Variants in TSPAN14 observed in about 807,000 individuals in gnomAD.
TSPAN14 encodes the protein tetraspanin 14, also known as tetraspanin-14.
TSPAN14 carries 16 observed loss-of-function variants against 36.6 expected under a neutral mutation model. That is an observed-to-expected ratio of 0.44 (90% CI 0.30 to 0.66). TSPAN14 has a LOEUF of 0.66. Among genes scored for constraint, TSPAN14 ranks in the 30% least tolerant of loss-of-function variants. The pLI is 0.12. For synonymous variants in TSPAN14, 139 were observed against 143.8 expected (o/e 0.97, Z 0.24); for missense variants, 231 against 355.1 (o/e 0.65, Z 2.81).
exon 8 of TSPAN14, chr10:80,516,320 G>A: frequency 6.2e-7 from 1 of 1,614,248 alleles, no homozygotes; most frequent in South Asian, 1.1e-5. Context: ...TCTCGCTGTT[G>A]CAGGTGTGTC....
intron 2 of TSPAN14, among the ~76,000 whole-genome samples, chr10:80,493,884 G>A (rs1848052660): frequency 6.6e-6 from 1 of 152,196 alleles, no homozygotes. Context: ...CCCCCCACTG[G>A]TTCCACAAAG....
chr10:80,507,855 A>G (rs56871714), intron 4 of TSPAN14, among the ~76,000 whole-genome samples: 12,205 of 152,204 alleles, frequency 0.08, 1,192 homozygotes, highest in African/African-American at 0.23. Flanking sequence ...ATACAAATTC[A>G]TGTTTAGATT....
intron 3 of TSPAN14, 107 bp downstream of exon 3, chr10:80,504,885 T>C: frequency 8.1e-7 from 1 of 1,229,792 alleles, no homozygotes; most frequent in South Asian, 1.2e-5. Flanking sequence ...GCATTTCTTG[T>C]GCAGTGTCAA....
At chr10:80,504,286 G>T (rs1313374811) in intron 2 of TSPAN14, among the ~76,000 whole-genome samples, 1 of 152,174 alleles carries the variant, frequency 6.6e-6, no homozygotes, top group Non-Finnish European at 1.5e-5. Context: ...GTTTCCCCCT[G>T]TCCTCACCCT....
At position 80,469,832 on chromosome 10, in the gene TSPAN14, A is replaced by G. The variant is rs1846444697; in HGVS notation, c.-18+15461A>G. On this transcript the variant is annotated intron_variant, in intron 1 of 8. Coordinates refer to ENST00000429989, the Ensembl canonical transcript of TSPAN14. ...GGAGCCAGGCCCTGGGGTGGGCTGG[A>G]AAGTGTCCCACCCTAGACTCAGAAG... Among the ~76,000 whole-genome samples the G allele has an allele frequency of 2.0e-5, 3 of 151,812 alleles. No homozygotes were observed. The South Asian group carries it at 6.2e-4, about 32-fold the overall frequency.
Position 80,509,499 on chromosome 10 carries a change from T to TA in TSPAN14, c.450+29dup. The TA allele has an allele frequency of 1.2e-6, 2 of 1,607,476 alleles. No individual in the cohort carries two copies. The highest frequency in any genetic ancestry group is 1.7e-6 in the Non-Finnish European group (2 of 1,176,760). On this transcript the variant is annotated intron_variant, in intron 5 of 8. Transcript: ENST00000429989. The surrounding 1 kb of genome is among the most constrained non-coding windows in gnomAD (Gnocchi z 4.7). ...AAGCACCTCCCCAGCGGGCCCCCGA[T>TA]AGAGCATGCACCTCCCTGTGCTGCC... is the stretch of plus-strand genomic sequence containing the variant.
In TSPAN14 at chr10:80,509,684, T is replaced by G; in HGVS notation, c.450+213T>G. 1.7e-6 allele frequency: 1 copy of G among 575,972 alleles called. No homozygotes were observed. 35.7% of individuals were successfully genotyped at this position (575,972 alleles called of 1,614,324 possible). ...GTGGGCCAGCCCTTTCCCATTGGGA[T>G]TGGGCAGGCAAGTCCAGCTGTACCC... On this transcript the variant is annotated intron_variant, in intron 5 of 8. Coordinates refer to ENST00000429989, the Ensembl canonical transcript of TSPAN14. This position sits in a 1 kb window ranked among gnomAD's most constrained non-coding sequence, Gnocchi z 4.7.
intron 1 of TSPAN14, among the ~76,000 whole-genome samples, chr10:80,455,133 G>A (rs1458875023): frequency 6.6e-6 from 1 of 152,216 alleles, no homozygotes; most frequent in East Asian, 1.9e-4. Context: ...CAGGGGTGGG[G>A]TGCGGGTGGG....
At chr10:80,457,696 G>A (rs1845794304) in intron 1 of TSPAN14, among the ~76,000 whole-genome samples, 1 of 152,206 alleles carries the variant, frequency 6.6e-6, no homozygotes, top group Non-Finnish European at 1.5e-5. Flanking sequence ...ATTGGTGATG[G>A]AGCTTCTGTC....
intron 1 of TSPAN14, among the ~76,000 whole-genome samples, chr10:80,456,476 G>A (rs1055962511): frequency 6.6e-6 from 1 of 152,216 alleles, no homozygotes; most frequent in African/African-American, 2.4e-5. Context: ...TGTGGCGGCA[G>A]TGAAGTGAAG....
chr10:80,501,787 C>T (rs1053638921), intron 2 of TSPAN14, among the ~76,000 whole-genome samples: 2 of 152,192 alleles, frequency 1.3e-5, no homozygotes, highest in African/African-American at 4.8e-5. Context: ...TTGAATCACA[C>T]CCAGAAGTGT....
intron 2 of TSPAN14, among the ~76,000 whole-genome samples, chr10:80,503,762 G>T (rs1486877427): frequency 6.6e-6 from 1 of 152,064 alleles, no homozygotes; most frequent in Non-Finnish European, 1.5e-5. Context: ...AGTAAAATAG[G>T]TAGAAGTGGC....
intron 2 of TSPAN14, among the ~76,000 whole-genome samples, chr10:80,493,297 A>G (rs1255919727): frequency 6.6e-6 from 1 of 152,220 alleles, no homozygotes; most frequent in African/African-American, 2.4e-5. Context: ...ACCTTTGTGC[A>G]CTGTTAGTGA....
chr10:80,455,478 C>T (rs1016604699), intron 1 of TSPAN14, among the ~76,000 whole-genome samples: 13 of 152,130 alleles, frequency 8.5e-5, no homozygotes, highest in Non-Finnish European at 1.8e-4. Flanking sequence ...GAGGGAGTTG[C>T]TCTTGGGCTA....
At chr10:80,522,277 AAGAC>A (rs1197991278) in exon 9 of TSPAN14, 1 of 152,192 alleles carries the variant, frequency 6.6e-6, no homozygotes, top group Non-Finnish European at 1.5e-5. Flanking sequence ...TTGGGAGGCT[AAGAC>A]AGGCAGATCA....
chr10:80,511,015 C>A (rs1840591592), intron 5 of TSPAN14, among the ~76,000 whole-genome samples: 1 of 152,098 alleles, frequency 6.6e-6, no homozygotes, highest in Admixed American at 6.5e-5. Context: ...GTGGGGGAGA[C>A]AATTTTACCT....
intron 1 of TSPAN14, among the ~76,000 whole-genome samples, chr10:80,461,465 G>A (rs776613429): frequency 2.0e-5 from 3 of 152,194 alleles, no homozygotes; most frequent in Non-Finnish European, 4.4e-5. Context: ...ACAAGTGATG[G>A]TATAAACGTG....
At chr10:80,455,040 G>C (rs1338508410) in intron 1 of TSPAN14, among the ~76,000 whole-genome samples, 20 of 152,150 alleles carry the variant, frequency 1.3e-4, no homozygotes, top group Admixed American at 1.3e-3. Context: ...CCTGACCCCT[G>C]ACCTAGCCGG....
At chr10:80,471,665 C>T (rs1846558915) in intron 1 of TSPAN14, among the ~76,000 whole-genome samples, 1 of 152,206 alleles carries the variant, frequency 6.6e-6, no homozygotes, top group Non-Finnish European at 1.5e-5. Context: ...GCAGCTTCAC[C>T]TTCAATGGCA....
Sources: allele counts gnomAD v4.1 joint callset (sites outside exome capture counted in the v4.1 genomes callset), GRCh38; gene constraint gnomAD v4.1.1; non-coding constraint Gnocchi (gnomAD v3.1); transcripts MANE v1.5; gene names NCBI Gene and HGNC (gene_info 2026-07-23, HGNC 2026-07-21).